CSNK2A2IP: variants seen among roughly 807,000 people sequenced by gnomAD.
CSNK2A2IP encodes casein kinase 2 subunit alpha' interacting protein.
the CSNK2A2IP span, among the ~76,000 whole-genome samples, chr3:88,360,488 C>CTT: frequency 6.6e-6 from 1 of 151,712 alleles, no homozygotes; most frequent in African/African-American, 2.4e-5. Flanking sequence ...TACTTATGCT[C>CTT]TTTTTTTTGG....
chr3:88,385,413 A>G, the CSNK2A2IP span, among the ~76,000 whole-genome samples: 1 of 152,190 alleles, frequency 6.6e-6, no homozygotes, highest in African/African-American at 2.4e-5. Flanking sequence ...GAGGAATGTA[A>G]GTTATGCTGG....
the CSNK2A2IP span, among the ~76,000 whole-genome samples, chr3:88,454,956 GT>G: frequency 6.6e-6 from 1 of 151,444 alleles, no homozygotes; most frequent in Non-Finnish European, 1.5e-5. Flanking sequence ...CTTTTATTAG[GT>G]TTCACATATA....
At chr3:88,449,874 T>TATAGAGAGAGAGAGAGAGAGAGAG in the CSNK2A2IP span, among the ~76,000 whole-genome samples, 4 of 70,086 alleles carry the variant, frequency 5.7e-5, no homozygotes, top group Admixed American at 1.4e-4. Flanking sequence ...TATATATATA[T>TATAGAGAGAGAGAGAGAGAGAGAG]AGAGAGAGAG....
chr3:88,390,242 C>G, the CSNK2A2IP span, among the ~76,000 whole-genome samples: 1 of 152,054 alleles, frequency 6.6e-6, no homozygotes, highest in South Asian at 2.1e-4. Context: ...GGCAAACAGA[C>G]CAAAAGTCTC....
At chr3:88,464,334 ATC>A in the CSNK2A2IP span, among the ~76,000 whole-genome samples, 1 of 150,470 alleles carries the variant, frequency 6.6e-6, no homozygotes, top group African/African-American at 2.4e-5. Context: ...AAATAAATAT[ATC>A]TATATATATA....
At chr3:88,405,419 G>T in the CSNK2A2IP span, among the ~76,000 whole-genome samples, 3 of 152,114 alleles carry the variant, frequency 2.0e-5, no homozygotes, top group Admixed American at 6.6e-5. Context: ...GGGGAAAAAG[G>T]TCATTGAGTT....
At chr3:88,419,594 T>C in the CSNK2A2IP span, among the ~76,000 whole-genome samples, 4 of 152,192 alleles carry the variant, frequency 2.6e-5, no homozygotes, top group Non-Finnish European at 5.9e-5. Flanking sequence ...TACGGCAGAA[T>C]GGTTTATATT....
chr3:88,407,109 A>G, the CSNK2A2IP span, among the ~76,000 whole-genome samples: 2 of 152,100 alleles, frequency 1.3e-5, no homozygotes, highest in Non-Finnish European at 2.9e-5. Context: ...TCTACTAACC[A>G]TATTGGCTCA....
the CSNK2A2IP span, among the ~76,000 whole-genome samples, chr3:88,400,013 T>C: frequency 3.9e-5 from 6 of 152,258 alleles, no homozygotes; most frequent in East Asian, 1.2e-3. Flanking sequence ...AGAAGCATCA[T>C]AAAATGAAGC....
chr3:88,397,362 A>T, the CSNK2A2IP span, among the ~76,000 whole-genome samples: 5,491 of 152,238 alleles, frequency 0.036, 132 homozygotes, highest in Middle Eastern at 0.058. Flanking sequence ...TACCTTTACA[A>T]TAGTATACTT....
At chr3:88,388,624 T>TGAAAAAAG in the CSNK2A2IP span, among the ~76,000 whole-genome samples, 1 of 152,120 alleles carries the variant, frequency 6.6e-6, no homozygotes, top group Non-Finnish European at 1.5e-5. Context: ...AAAAAGTTGG[T>TGAAAAAAG]TTATTAACAG....
At chr3:88,407,967 C>G in the CSNK2A2IP span, among the ~76,000 whole-genome samples, 1 of 152,114 alleles carries the variant, frequency 6.6e-6, no homozygotes, top group Non-Finnish European at 1.5e-5. Flanking sequence ...AGGTGATCCA[C>G]CCACCTTGAC....
At chr3:88,367,008 C>T in the CSNK2A2IP span, among the ~76,000 whole-genome samples, 8 of 151,964 alleles carry the variant, frequency 5.3e-5, no homozygotes, top group Non-Finnish European at 8.8e-5. Context: ...TAGGGGAAAC[C>T]GCCACCATGA....
the CSNK2A2IP span, among the ~76,000 whole-genome samples, chr3:88,375,620 A>G: frequency 1.2e-4 from 18 of 151,890 alleles, no homozygotes; most frequent in East Asian, 3.5e-3. Flanking sequence ...AAATAACTCT[A>G]TAGCCCAGAA....
chr3:88,402,418 A>G, the CSNK2A2IP span, among the ~76,000 whole-genome samples: 2 of 152,080 alleles, frequency 1.3e-5, no homozygotes, highest in East Asian at 3.9e-4. Context: ...TTCAGGATTT[A>G]CTTCAGAAAA....
chr3:88,460,547 G>A, the CSNK2A2IP span, among the ~76,000 whole-genome samples: 1 of 152,006 alleles, frequency 6.6e-6, no homozygotes, highest in Non-Finnish European at 1.5e-5. Context: ...TTTTGTTTCG[G>A]ATGTGTCTTT....
At chr3:88,399,245 C>A in the CSNK2A2IP span, among the ~76,000 whole-genome samples, 17 of 152,032 alleles carry the variant, frequency 1.1e-4, no homozygotes, top group African/African-American at 4.1e-4. Flanking sequence ...TTATTTCATT[C>A]TTAGAGCAAA....
the CSNK2A2IP span, among the ~76,000 whole-genome samples, chr3:88,351,042 C>A: frequency 6.6e-6 from 1 of 152,282 alleles, no homozygotes; most frequent in Non-Finnish European, 1.5e-5. Context: ...GGATTCTCAT[C>A]TGAGGACTAA....
chr3:88,442,338 C>T, the CSNK2A2IP span, among the ~76,000 whole-genome samples: 1 of 152,094 alleles, frequency 6.6e-6, no homozygotes, highest in South Asian at 2.1e-4. Flanking sequence ...CTGCGCCTAG[C>T]TTGAATTTTT....
Sources: allele counts gnomAD v4.1 joint callset (sites outside exome capture counted in the v4.1 genomes callset), GRCh38; gene constraint gnomAD v4.1.1; transcripts MANE v1.5; gene names NCBI Gene and HGNC (gene_info 2026-07-23, HGNC 2026-07-21).